Variants in LYN observed in about 807,000 individuals in gnomAD.
The protein encoded by LYN is LYN proto-oncogene, Src family tyrosine kinase, also known as tyrosine-protein kinase Lyn.
LYN carries 12 observed loss-of-function variants against 65.0 expected under a neutral mutation model. That is an observed-to-expected ratio of 0.18 (90% CI 0.12 to 0.30). The LOEUF (loss-of-function observed/expected upper bound fraction) is 0.30. LYN is among the 10% of genes least tolerant of loss of function. The pLI, the probability that LYN is intolerant of heterozygous loss-of-function variation, is 1.00. For missense variants in LYN, 380 were observed against 623.2 expected (o/e 0.61, Z 4.16); for synonymous variants, 222 against 221.2 (o/e 1.00, Z -0.03).
At chr8:55,956,999 G>A (rs1441292552) in intron 8 of LYN, among the ~76,000 whole-genome samples, 1 of 152,192 alleles carries the variant, frequency 6.6e-6, no homozygotes, top group Non-Finnish European at 1.5e-5. Flanking sequence ...AGGCATTACT[G>A]TGATCATTCG....
chr8:55,975,662 C>T (rs1180309653), intron 10 of LYN, among the ~76,000 whole-genome samples: 1 of 152,168 alleles, frequency 6.6e-6, no homozygotes, highest in East Asian at 1.9e-4. Context: ...TCAGCTTAAA[C>T]TTTGACCATG....
chr8:55,971,959 G>C (rs745775449), intron 10 of LYN, among the ~76,000 whole-genome samples: 1 of 152,128 alleles, frequency 6.6e-6, no homozygotes, highest in Non-Finnish European at 1.5e-5. Context: ...GGCTTCAGTT[G>C]ACTCTCCTGT....
intron 10 of LYN, among the ~76,000 whole-genome samples, chr8:55,996,249 CG>C (rs1347262231): frequency 6.6e-6 from 1 of 152,098 alleles, no homozygotes; most frequent in Non-Finnish European, 1.5e-5. Context: ...GGAAGGCCCA[CG>C]GGGCAGAAGG....
chr8:55,924,510 C>G (rs73606861), intron 1 of LYN, among the ~76,000 whole-genome samples: 3,085 of 151,876 alleles, frequency 0.02, 99 homozygotes, highest in African/African-American at 0.07. Context: ...TTACAGGCGT[C>G]CACCCACCAT....
intron 1 of LYN, among the ~76,000 whole-genome samples, chr8:55,893,097 C>T (rs1805000789): frequency 6.6e-6 from 1 of 152,210 alleles, no homozygotes; most frequent in Non-Finnish European, 1.5e-5. Flanking sequence ...CTACCACCGG[C>T]ATCTCTCTGT....
chr8:55,909,425 C>T (rs564592573), intron 1 of LYN, among the ~76,000 whole-genome samples: 2 of 152,272 alleles, frequency 1.3e-5, no homozygotes, highest in South Asian at 2.1e-4. Flanking sequence ...CTGACTTGGA[C>T]ATGTTCAGTC....
At chr8:55,892,262 A>G (rs550480603) in intron 1 of LYN, among the ~76,000 whole-genome samples, 14 of 152,286 alleles carry the variant, frequency 9.2e-5, no homozygotes, top group Admixed American at 2.0e-4. Flanking sequence ...CTCTTCTAAA[A>G]ATCCAAAAAT....
chr8:55,880,555 A>C (rs993121702), intron 1 of LYN, among the ~76,000 whole-genome samples: 1 of 151,946 alleles, frequency 6.6e-6, no homozygotes, highest in South Asian at 2.1e-4. Flanking sequence ...GTGCAATCTG[A>C]TCTCCCCTCT....
chr8:55,951,246 C>CA (rs146943216), intron 6 of LYN, among the ~76,000 whole-genome samples: 7,296 of 145,030 alleles, frequency 0.05, 268 homozygotes, highest in African/African-American at 0.11. Flanking sequence ...GGCACTGTCT[C>CA]AAAAAAAAAA....
chr8:55,923,982 G>A (rs1184789237), intron 1 of LYN, among the ~76,000 whole-genome samples: 1 of 151,740 alleles, frequency 6.6e-6, no homozygotes, highest in African/African-American at 2.4e-5. Flanking sequence ...TGTACACCCT[G>A]CCGCACAACT....
intron 1 of LYN, among the ~76,000 whole-genome samples, chr8:55,900,032 G>GTTTA (rs1480230771): frequency 6.6e-6 from 1 of 152,158 alleles, no homozygotes; most frequent in East Asian, 1.9e-4. Context: ...GGCCTAGGAT[G>GTTTA]TTTAGCTCAA....
chr8:56,009,290 G>A (rs1295377346), intron 12 of LYN, among the ~76,000 whole-genome samples: 1 of 152,188 alleles, frequency 6.6e-6, no homozygotes, highest in Non-Finnish European at 1.5e-5. Context: ...ACTTGGCTGT[G>A]GCTCCTACTT....
At chr8:55,907,900 A>C (rs1339350144) in intron 1 of LYN, among the ~76,000 whole-genome samples, 1 of 152,116 alleles carries the variant, frequency 6.6e-6, no homozygotes, top group Non-Finnish European at 1.5e-5. Flanking sequence ...TAAATAAATA[A>C]ATACAAATTT....
At chr8:55,940,667 C>T (rs1806583563) in intron 1 of LYN, among the ~76,000 whole-genome samples, 2 of 152,246 alleles carry the variant, frequency 1.3e-5, no homozygotes, top group Non-Finnish European at 2.9e-5. Flanking sequence ...AGCCACCGCG[C>T]CCGGCTGTTT....
chr8:55,906,331 TTTTTG>T (rs150904137), intron 1 of LYN, among the ~76,000 whole-genome samples: 31,500 of 150,898 alleles, frequency 0.21, 3,453 homozygotes, highest in Middle Eastern at 0.34. Flanking sequence ...GAATTCGTTT[TTTTTG>T]TTTTGTTTTG....
chr8:56,004,990 G>A (rs933779716), intron 12 of LYN, among the ~76,000 whole-genome samples: 3 of 152,092 alleles, frequency 2.0e-5, no homozygotes, highest in Non-Finnish European at 4.4e-5. Context: ...TCACTATGTT[G>A]CCTAGGCTGG....
chr8:55,966,998 G>A, intron 9 of LYN, 101 bp downstream of exon 9: 4 of 1,087,950 alleles, frequency 3.7e-6, no homozygotes, highest in South Asian at 3.4e-5. Context: ...TTATCAAACA[G>A]TATACCCACT....
intron 12 of LYN, among the ~76,000 whole-genome samples, chr8:56,002,850 C>T (rs1419420529): frequency 6.6e-6 from 1 of 151,944 alleles, no homozygotes; most frequent in Non-Finnish European, 1.5e-5. Flanking sequence ...TTACGAGAGC[C>T]TCTAGCATTA....
chr8:55,962,953 C>T (rs980845533), intron 8 of LYN, among the ~76,000 whole-genome samples: 1 of 152,188 alleles, frequency 6.6e-6, no homozygotes, highest in African/African-American at 2.4e-5. Context: ...TTTTAGACAA[C>T]CAGCTCTCTT....
Sources: allele counts gnomAD v4.1 joint callset (sites outside exome capture counted in the v4.1 genomes callset), GRCh38; gene constraint gnomAD v4.1.1; transcripts MANE v1.5; gene names NCBI Gene and HGNC (gene_info 2026-07-23, HGNC 2026-07-21).